ASXL2: variants seen among roughly 807,000 people sequenced by gnomAD.
ASXL2 encodes the protein putative Polycomb group protein ASXL2.
ASXL2 carries 23 observed loss-of-function variants against 122.0 expected under a neutral mutation model. That is an observed-to-expected ratio of 0.19 (90% CI 0.14 to 0.27). The LOEUF (loss-of-function observed/expected upper bound fraction) is 0.27, where lower values mean the gene tolerates loss of function less well. Ranked by LOEUF, ASXL2 falls within the 10% of genes least tolerant of loss-of-function variation. The pLI, the probability that ASXL2 is intolerant of heterozygous loss-of-function variation, is 1.00. For synonymous variants in ASXL2, 650 were observed against 637.0 expected (o/e 1.02, Z -0.31); for missense variants, 1,518 against 1,713.8 (o/e 0.89, Z 2.02).
At chr2:25,855,080 G>C (rs1052424070) in intron 1 of ASXL2, among the ~76,000 whole-genome samples, 1 of 152,140 alleles carries the variant, frequency 6.6e-6, no homozygotes, top group Non-Finnish European at 1.5e-5. Flanking sequence ...CTCTGTATAT[G>C]ACATACCTTC....
chr2:25,744,097 C>A lies in ASXL2; in HGVS notation c.2240G>T (p.Gly747Val). 6.2e-7 allele frequency: 1 copy of A among 1,613,932 alleles called. No individual in the cohort carries two copies. Among genetic ancestry groups the A allele is most frequent in the Non-Finnish European group, 8.5e-7 (1 of 1,179,858 alleles). Residue 747 changes from glycine to valine, a missense_variant, in exon 13 of 13, where the codon GGT becomes GTT. By Grantham distance (109) the Gly-to-Val change is moderately radical. Transcript: ENST00000435504. This position sits in a 1 kb window ranked among gnomAD's most constrained non-coding sequence, Gnocchi z 4.7. ...RGGTRELLPC[G>V]PETQPQSETK... ...CTCAGACTGGGGCTGAGTCTCTGGA[C>A]CACAGGGTAAAAGCTCTCTCGTACC... is the stretch of plus-strand genomic sequence containing the variant.
chr2:25,742,078 T>C lies in ASXL2; in HGVS notation c.4259A>G (p.Asp1420Gly). 6.2e-7 allele frequency: 1 copy of C among 1,613,938 alleles called. No individual in the cohort carries two copies. Among genetic ancestry groups the C allele is most frequent in the Middle Eastern group, 1.7e-4 (1 of 6,060 alleles). ...CKGCGAFCHDDCIGPSKLCVS... is the reference protein window; with the variant it reads ...CKGCGAFCHDGCIGPSKLCVS... ...GCACAGTTTGGAGGGGCCGATGCAA[T>C]CATCATGGCAGAAAGCGCCACAGCC... The change falls in exon 13 of 13, where the codon GAT becomes GGT. Residue 1420 changes from aspartate to glycine, a missense_variant. By Grantham distance (94) the Asp-to-Gly change is moderately conservative. Transcript: ENST00000435504.
intron 10 of ASXL2, 145 bp downstream of exon 10, chr2:25,755,870 TAAC>T (rs1246256954): frequency 1.5e-6 from 1 of 656,248 alleles, no homozygotes; most frequent in Non-Finnish European, 2.6e-6. Context: ...GATAAAAGTT[TAAC>T]AACGTGTTCC....
Position 25,767,280 on chromosome 2 carries a change from T to C in ASXL2, c.775+303A>G, listed in dbSNP as rs559707459. On this transcript the variant is annotated intron_variant, in intron 8 of 12. Coordinates refer to ENST00000435504, the MANE Select transcript of ASXL2 (RefSeq NM_018263.6). ...AAAGGGAAATAAACCACAAAATGAC[T>C]GATAATAGATCTTTCTCTGAAATAA... Among the ~76,000 whole-genome samples, 297 of 152,270 alleles carry C rather than the reference T, an allele frequency of 2.0e-3. 1 individual carries two copies. Among genetic ancestry groups the C allele is most frequent in the African/African-American group, 7.0e-3 (289 of 41,538 alleles).
intron 5 of ASXL2, among the ~76,000 whole-genome samples, chr2:25,782,535 GA>G (rs1352685068): frequency 6.6e-6 from 1 of 152,058 alleles, no homozygotes; most frequent in African/African-American, 2.4e-5. Flanking sequence ...AACAGAGGAA[GA>G]CTCCATCTCA....
chr2:25,761,705 C>T (rs11904454), intron 8 of ASXL2, among the ~76,000 whole-genome samples: 40,927 of 144,554 alleles, frequency 0.28, 5,958 homozygotes, highest in African/African-American at 0.33. Flanking sequence ...AATTTAAGAA[C>T]AGCAGTAAAC....
chr2:25,843,417 G>C (rs1009982238), intron 2 of ASXL2, among the ~76,000 whole-genome samples: 2 of 152,048 alleles, frequency 1.3e-5, no homozygotes, highest in Non-Finnish European at 2.9e-5. Context: ...GGGATTACAG[G>C]CGTGAGCCAT....
intron 1 of ASXL2, among the ~76,000 whole-genome samples, chr2:25,852,515 T>C (rs553858890): frequency 6.6e-6 from 1 of 152,344 alleles, no homozygotes; most frequent in South Asian, 2.1e-4. Flanking sequence ...AGTAACACAG[T>C]GATCTATATA....
At chr2:25,780,298 C>G (rs770552875) in intron 5 of ASXL2, 1 of 151,886 alleles carries the variant, frequency 6.6e-6, no homozygotes, top group Non-Finnish European at 1.5e-5. Flanking sequence ...AAACTCAATG[C>G]ATCCTGGAGG....
At chr2:25,756,428 G>C (rs1315987231) in intron 9 of ASXL2, among the ~76,000 whole-genome samples, 1 of 103,476 alleles carries the variant, frequency 9.7e-6, no homozygotes, top group Non-Finnish European at 2.0e-5. Flanking sequence ...AGAAAATAAA[G>C]CTGAATCCCA....
In ASXL2 at chr2:25,741,830, G is replaced by A. The variant is rs1464801889; in HGVS notation, c.*199C>T. 7.3e-6 allele frequency: 4 copies of A among 547,404 alleles called. No individual in the cohort carries two copies. Among genetic ancestry groups the A allele is most frequent in the African/African-American group, 1.9e-5 (1 of 53,454 alleles). 33.9% of individuals were successfully genotyped at this position (547,404 alleles called of 1,614,324 possible). A position where few individuals can be genotyped will look rare whatever the true frequency, so the allele number is the denominator to read the frequency against. ...GTCACAAATTCACAAAGTCTTGCTT[G>A]ACTTAGACTTACTATACAAGGTGCT... On this transcript the variant is annotated 3_prime_UTR_variant, in exon 13 of 13. Coordinates refer to ENST00000435504, the MANE Select transcript of ASXL2 (RefSeq NM_018263.6).
chr2:25,763,635 A>C (rs1226699138), intron 8 of ASXL2, among the ~76,000 whole-genome samples: 1 of 152,236 alleles, frequency 6.6e-6, no homozygotes, highest in African/African-American at 2.4e-5. Context: ...ATAGTAGTGC[A>C]GTAAGAGCAA....
intron 3 of ASXL2, among the ~76,000 whole-genome samples, chr2:25,827,438 G>A (rs974792787): frequency 1.3e-5 from 2 of 152,058 alleles, no homozygotes; most frequent in Non-Finnish European, 2.9e-5. Flanking sequence ...AGTCTTGGTT[G>A]ATTTTAGATT....
rs112771823 is a variant in ASXL2 at position 25,744,261 on chromosome 2, T to C, written c.2076A>G (p.Gly692=). Residue 692 remains glycine (G), a synonymous_variant, in exon 13 of 13, where the codon GGA becomes GGG. Coordinates refer to ENST00000435504, the MANE Select transcript of ASXL2 (RefSeq NM_018263.6). The surrounding 1 kb of genome is among the most constrained non-coding windows in gnomAD (Gnocchi z 4.7). Reference sequence around the variant, plus strand: ...GACCTTGTCCACCCCCTGGGCCAGGTCCTGGAATGGTCCCTCCAACTGAGG... The same window carrying C: ...GACCTTGTCCACCCCCTGGGCCAGGCCCTGGAATGGTCCCTCCAACTGAGG... ...AAASVGGTIP[G]PGPGGGQGPG... 20 of 1,613,896 alleles carry C rather than the reference T, an allele frequency of 1.2e-5. No individual in the cohort carries two copies. Among genetic ancestry groups the C allele is most frequent in the Middle Eastern group, 1.6e-4 (1 of 6,062 alleles).
At chr2:25,824,659 C>T (rs1244200113) in intron 3 of ASXL2, among the ~76,000 whole-genome samples, 4 of 152,182 alleles carry the variant, frequency 2.6e-5, no homozygotes, top group Admixed American at 6.5e-5. Flanking sequence ...TCTCCAACCC[C>T]GTGGTTTACA....
At chr2:25,862,895 C>T (rs1346719205) in intron 1 of ASXL2, among the ~76,000 whole-genome samples, 1 of 152,018 alleles carries the variant, frequency 6.6e-6, no homozygotes, top group East Asian at 1.9e-4. Context: ...TGTGAGCCAT[C>T]ACGCCCAGCC....
At chr2:25,811,619 AT>A (rs1307077788) in intron 3 of ASXL2, among the ~76,000 whole-genome samples, 1 of 152,210 alleles carries the variant, frequency 6.6e-6, no homozygotes, top group African/African-American at 2.4e-5. Flanking sequence ...AATAGTGGTT[AT>A]AAAAAGGCAA....
intron 10 of ASXL2, among the ~76,000 whole-genome samples, chr2:25,755,211 T>C (rs929239096): frequency 1.3e-5 from 2 of 152,186 alleles, no homozygotes; most frequent in Admixed American, 6.5e-5. Flanking sequence ...TTAGAATCGT[T>C]TGGGAAAACT....
intron 1 of ASXL2, among the ~76,000 whole-genome samples, chr2:25,850,708 G>C (rs13421137): frequency 7.6e-4 from 115 of 152,082 alleles, no homozygotes; most frequent in Non-Finnish European, 1.6e-3. Flanking sequence ...AGCAGCCACC[G>C]ATGATCACTA....
Sources: allele counts gnomAD v4.1 joint callset (sites outside exome capture counted in the v4.1 genomes callset), GRCh38; gene constraint gnomAD v4.1.1; non-coding constraint Gnocchi (gnomAD v3.1); transcripts MANE v1.5; gene names NCBI Gene and HGNC (gene_info 2026-07-23, HGNC 2026-07-21).